CCDC88A: variants seen among roughly 807,000 people sequenced by gnomAD.
The protein encoded by CCDC88A is coiled-coil and HOOK domain protein 88A.
CCDC88A carries 54 observed loss-of-function variants against 234.3 expected under a neutral mutation model. The observed-to-expected ratio is 0.23, with a 90% CI of 0.19 to 0.29. The LOEUF (loss-of-function observed/expected upper bound fraction) is 0.29, where lower values mean the gene tolerates loss of function less well. Ranked by LOEUF, CCDC88A falls within the 10% of genes least tolerant of loss-of-function variation. CCDC88A has a pLI of 1.00. For synonymous variants in CCDC88A, 753 were observed against 737.8 expected (o/e 1.02, Z -0.33); for missense variants, 1,832 against 2,123.4 (o/e 0.86, Z 2.70).
rs1446980704 is a variant in CCDC88A at position 55,289,892 on chromosome 2, CA to C, written c.*1307del. On this transcript the variant is annotated 3_prime_UTR_variant, in exon 33 of 33. Coordinates refer to ENST00000436346, the MANE Select transcript of CCDC88A (RefSeq NM_001365480.1). ...TATGGAATTATTCCAAAAAGTTCTT[CA>C]GAGCTGGTAATGAAAGCCTAAGAAG... The C allele has an allele frequency of 2.0e-5, 3 of 152,340 alleles. No individual in the cohort carries two copies. The highest frequency in any genetic ancestry group is 7.2e-5 in the African/African-American group (3 of 41,400). 9.4% of individuals were successfully genotyped at this position (152,340 alleles called of 1,614,324 possible).
intron 17 of CCDC88A, among the ~76,000 whole-genome samples, chr2:55,327,694 C>T (rs189786510): frequency 1.3e-5 from 2 of 152,338 alleles, no homozygotes; most frequent in East Asian, 3.9e-4. Flanking sequence ...TAAACCAGAA[C>T]ATGACTCTAC....
At chr2:55,358,566 A>C (rs1670888079) in intron 7 of CCDC88A, among the ~76,000 whole-genome samples, 1 of 152,078 alleles carries the variant, frequency 6.6e-6, no homozygotes, top group African/African-American at 2.4e-5. Context: ...TCTCTACTTA[A>C]GCCTCCAACT....
At chr2:55,376,639 A>T (rs1673690207) in intron 3 of CCDC88A, among the ~76,000 whole-genome samples, 1 of 152,224 alleles carries the variant, frequency 6.6e-6, no homozygotes, top group Admixed American at 6.5e-5. Context: ...ATTTAAAGAA[A>T]AGTACATACT....
intron 2 of CCDC88A, among the ~76,000 whole-genome samples, chr2:55,393,286 T>G (rs1349393995): frequency 7.8e-5 from 9 of 115,200 alleles, no homozygotes; most frequent in Non-Finnish European, 1.6e-4. Flanking sequence ...TTTGGTTTTT[T>G]GGGTTTTTTT....
At chr2:55,395,874 G>C (rs1367294205) in intron 2 of CCDC88A, among the ~76,000 whole-genome samples, 1 of 152,204 alleles carries the variant, frequency 6.6e-6, no homozygotes, top group East Asian at 1.9e-4. Flanking sequence ...AGGCAAATGA[G>C]AGTTTAAATG....
At chr2:55,355,842 C>A (rs1031128511) in intron 7 of CCDC88A, 91 bp from the exon 8 acceptor site, 2 of 949,068 alleles carry the variant, frequency 2.1e-6, no homozygotes, top group Admixed American at 2.6e-5. Context: ...AATTGTACTG[C>A]CATATCAAAA....
rs1306195124 is a variant in CCDC88A at position 55,289,721 on chromosome 2, T to C, written c.*1479A>G. On this transcript the variant is annotated 3_prime_UTR_variant, in exon 33 of 33. Coordinates refer to ENST00000436346, the MANE Select transcript of CCDC88A (RefSeq NM_001365480.1). Reference sequence around the variant, plus strand: ...TGATGGTCTTTTGGAAATTAGACTGTGAACACAACATTGCTACTGGCCTAC... The same window carrying C: ...TGATGGTCTTTTGGAAATTAGACTGCGAACACAACATTGCTACTGGCCTAC... 6.6e-6 allele frequency: 1 copy of C among 151,764 alleles called. No homozygotes were observed. Among genetic ancestry groups the C allele is most frequent in the African/African-American group, 2.4e-5 (1 of 41,264 alleles). The allele number at this position is 151,764 out of a possible 1,614,324, so 9.4% of individuals were successfully genotyped here. A position where few individuals can be genotyped will look rare whatever the true frequency, so the allele number is the denominator to read the frequency against.
chr2:55,375,144 A>G (rs1254040417), intron 3 of CCDC88A, among the ~76,000 whole-genome samples: 3 of 151,870 alleles, frequency 2.0e-5, no homozygotes, highest in Non-Finnish European at 4.4e-5. Flanking sequence ...AGCACTTTGG[A>G]AAGCCAGGGT....
intron 3 of CCDC88A, among the ~76,000 whole-genome samples, chr2:55,377,548 A>G (rs931591114): frequency 2.6e-5 from 4 of 152,036 alleles, no homozygotes; most frequent in African/African-American, 9.7e-5. Context: ...AACCTAAGTC[A>G]GACGAAAGAG....
intron 3 of CCDC88A, among the ~76,000 whole-genome samples, chr2:55,376,862 C>T (rs1163934340): frequency 2.6e-5 from 4 of 152,088 alleles, no homozygotes; most frequent in Non-Finnish European, 5.9e-5. Flanking sequence ...GACGGAGTCT[C>T]GCTCTGTCAC....
rs892418699 is a variant in CCDC88A at position 55,334,274 on chromosome 2, A to G, written c.2547T>C (p.Asp849=). ...KRLRQQAEIK[D]TTLEENNVKI... ...TCACATTATTTTCTTCTAATGTGGT[A>G]TCTTTAATTTCTGCTTGTTGTCGGA... The change falls in exon 15 of 33, where the codon GAT becomes GAC. Residue 849 remains aspartate (D), a synonymous_variant. Coordinates refer to ENST00000436346, the MANE Select transcript of CCDC88A (RefSeq NM_001365480.1). This position sits in a 1 kb window ranked among gnomAD's most constrained non-coding sequence, Gnocchi z 6.1. 6.9e-7 allele frequency: 1 copy of G among 1,451,118 alleles called. No homozygotes were observed. Among genetic ancestry groups the G allele is most frequent in the East Asian group, 2.5e-5 (1 of 40,572 alleles). 89.9% of individuals were successfully genotyped at this position (1,451,118 alleles called of 1,614,324 possible).
chr2:55,366,576 C>G (rs180746951), intron 5 of CCDC88A, among the ~76,000 whole-genome samples: 21 of 139,664 alleles, frequency 1.5e-4, no homozygotes, highest in South Asian at 9.0e-4. Flanking sequence ...CACACACACA[C>G]AAGATATGAT....
At chr2:55,323,423 T>A (rs1683876056) in intron 17 of CCDC88A, 2 of 152,170 alleles carry the variant, frequency 1.3e-5, no homozygotes, top group African/African-American at 4.8e-5. Context: ...CAACAATTAA[T>A]ATTGCTACCA....
rs775186201 is a variant in CCDC88A, at chr2:55,317,495, T to C, written c.3602+69A>G. On this transcript the variant is annotated intron_variant, in intron 20 of 32. Transcript: ENST00000436346. The surrounding 1 kb of genome is among the most constrained non-coding windows in gnomAD (Gnocchi z 4.2). Reference sequence around the variant, plus strand: ...ACTAACATTAGATGTGTTTAATATATAAAATTTATTATACTACTTGAAGAA... The same window carrying C: ...ACTAACATTAGATGTGTTTAATATACAAAATTTATTATACTACTTGAAGAA... 4.1e-6 allele frequency: 5 copies of C among 1,231,980 alleles called. No individual in the cohort carries two copies. The highest frequency in any genetic ancestry group is 5.5e-6 in the Non-Finnish European group (5 of 909,598). The allele number at this position is 1,231,980 out of a possible 1,614,324, so 76.3% of individuals were successfully genotyped here.
rs58399854 is a variant in CCDC88A, at chr2:55,307,359, A to ATT, written c.4387+1448_4387+1449dup. 5.5e-3 allele frequency among the ~76,000 whole-genome samples: 777 copies of ATT among 140,536 alleles called. 12 individuals are homozygous for ATT. The highest frequency in any genetic ancestry group is 0.02 in the African/African-American group (743 of 37,610). The allele number at this position is 140,536 out of a possible 152,430, so 92.2% of individuals were successfully genotyped here. On this transcript the variant is annotated intron_variant, in intron 25 of 32. Transcript: ENST00000436346. ...AAACAAATATGTATCTCTTCACCTA[A>ATT]TTTTTTTTTTTTTTTTTGAGAGAGA...
intron 2 of CCDC88A, among the ~76,000 whole-genome samples, chr2:55,414,958 T>A (rs1177274851): frequency 1.3e-5 from 2 of 150,994 alleles, no homozygotes; most frequent in African/African-American, 4.9e-5. Context: ...CCCCAGTTAC[T>A]CGGGAGCCTG....
chr2:55,398,128 C>A (rs575883735), intron 2 of CCDC88A, among the ~76,000 whole-genome samples: 1 of 152,126 alleles, frequency 6.6e-6, no homozygotes, highest in African/African-American at 2.4e-5. Flanking sequence ...TATCCCTTCA[C>A]AAAACTGTGC....
At chr2:55,349,983 C>T (rs1669663606) in intron 8 of CCDC88A, 2 of 157,000 alleles carry the variant, frequency 1.3e-5, no homozygotes, top group Non-Finnish European at 2.8e-5. Flanking sequence ...GGCTGGAGTG[C>T]AATGGCGCAA....
chr2:55,294,598 A>G (rs1679803480), intron 31 of CCDC88A: 4 of 987,940 alleles, frequency 4.0e-6, no homozygotes, highest in African/African-American at 3.5e-5. Context: ...AATATAAAGT[A>G]CACATTCTGG....
Sources: allele counts gnomAD v4.1 joint callset (sites outside exome capture counted in the v4.1 genomes callset), GRCh38; gene constraint gnomAD v4.1.1; non-coding constraint Gnocchi (gnomAD v3.1); transcripts MANE v1.5; gene names NCBI Gene and HGNC (gene_info 2026-07-23, HGNC 2026-07-21).